The following TOM1L2 variants were observed in gnomAD, a reference collection of about 807,000 sequenced individuals.
TOM1L2 encodes TOM1-like protein 2.
A neutral mutation model predicts 67.9 loss-of-function variants in TOM1L2; 31 were observed. That is an observed-to-expected ratio of 0.46 (90% CI 0.34 to 0.62). TOM1L2 has a LOEUF of 0.62. Ranked by LOEUF, TOM1L2 falls within the 20% of genes least tolerant of loss-of-function variation. The pLI is 0.01. For synonymous variants in TOM1L2, 256 were observed against 254.0 expected (o/e 1.01, Z -0.07); for missense variants, 606 against 663.5 (o/e 0.91, Z 0.95).
At chr17:17,923,745 A>G (rs2039974611) in intron 1 of TOM1L2, among the ~76,000 whole-genome samples, 1 of 152,322 alleles carries the variant, frequency 6.6e-6, no homozygotes, top group Admixed American at 6.5e-5. Context: ...TAAAATGGTA[A>G]AAAAGATACT....
intron 1 of TOM1L2, among the ~76,000 whole-genome samples, chr17:17,953,408 G>A (rs2041292258): frequency 1.3e-5 from 2 of 152,230 alleles, no homozygotes; most frequent in Non-Finnish European, 1.5e-5. Flanking sequence ...TTTGGTTGCT[G>A]CAGTATTCCT....
At chr17:17,954,816 G>C (rs1411141605) in intron 1 of TOM1L2, among the ~76,000 whole-genome samples, 1 of 152,152 alleles carries the variant, frequency 6.6e-6, no homozygotes, top group Non-Finnish European at 1.5e-5. Flanking sequence ...TAGAGGAGGA[G>C]AAAACTAAGA....
In TOM1L2 at chr17:17,898,643, G is replaced by A. The variant is rs867464276; in HGVS notation, c.169C>T (p.Arg57Trp). ...CTGTAGTTCCGGTTCCCGTTGAGCC[G>A]CTTCTTCAGGGCTCGAATGGCATCC... ...PKDAIRALKK[R>W]LNGNRNYREV... Residue 57 changes from arginine (R) to tryptophan (W), a missense_variant, in exon 3 of 15, where the codon CGG becomes TGG. Transcript: ENST00000379504. 1.9e-6 allele frequency: 3 copies of A among 1,614,040 alleles called. No individual in the cohort carries two copies. Among genetic ancestry groups the A allele is most frequent in the African/African-American group, 1.3e-5 (1 of 74,900 alleles).
At position 17,886,775 on chromosome 17, in the gene TOM1L2, A is replaced by AG. The variant is rs760807390; in HGVS notation, c.367-2008dup. Among the ~76,000 whole-genome samples, 4 of 152,384 alleles carry AG rather than the reference A, an allele frequency of 2.6e-5. No individual in the cohort carries two copies. In the East Asian group the frequency reaches 7.7e-4, roughly 29 times the overall value. On this transcript the variant is annotated intron_variant, in intron 4 of 14. Transcript: ENST00000379504. The stretch of plus-strand genomic sequence containing the variant: ...AACTATGGCTCTTCTCTCCAGTTGG[A>AG]GGATACTTCTTCGGGTCCACTTTCT...
chr17:17,847,203 G>C lies in TOM1L2; in HGVS notation c.*432C>G, dbSNP rs1490783468. ...CCAGAGATGCCACAAAGCCCCTTCA[G>C]GGAGAGAGGGGCCCAGGAGGGCAGA... On this transcript the variant is annotated 3_prime_UTR_variant, in exon 15 of 15. Coordinates refer to ENST00000379504, the MANE Select transcript of TOM1L2 (RefSeq NM_001082968.2). 2 of 198,320 alleles carry C rather than the reference G, an allele frequency of 1.0e-5. No homozygotes were observed. Among genetic ancestry groups the C allele is most frequent in the Non-Finnish European group, 2.1e-5 (2 of 96,056 alleles). The allele number at this position is 198,320 out of a possible 1,614,324, so 12.3% of individuals were successfully genotyped here. A position where few individuals can be genotyped will look rare whatever the true frequency, so the allele number is the denominator to read the frequency against.
intron 1 of TOM1L2, among the ~76,000 whole-genome samples, chr17:17,912,163 C>G (rs79414011): frequency 6.6e-6 from 1 of 152,138 alleles, no homozygotes; most frequent in East Asian, 1.9e-4. Context: ...CTCAATGAGC[C>G]GCTGGGCACA....
chr17:17,929,261 C>A (rs541699712), intron 1 of TOM1L2, among the ~76,000 whole-genome samples: 9 of 152,326 alleles, frequency 5.9e-5, no homozygotes, highest in Non-Finnish European at 1.3e-4. Flanking sequence ...TCCACCCAGT[C>A]TGAATGTTTC....
chr17:17,915,216 T>C (rs2144543177), intron 1 of TOM1L2, among the ~76,000 whole-genome samples: 1 of 152,292 alleles, frequency 6.6e-6, no homozygotes, highest in Middle Eastern at 3.4e-3. Flanking sequence ...AGAGTTAGGA[T>C]GGGGTAGTTT....
intron 7 of TOM1L2, among the ~76,000 whole-genome samples, chr17:17,878,039 G>C (rs1207248717): frequency 1.3e-5 from 2 of 152,230 alleles, no homozygotes; most frequent in Non-Finnish European, 2.9e-5. Flanking sequence ...CTGTCAGCAG[G>C]AATTCCGACG....
intron 4 of TOM1L2, among the ~76,000 whole-genome samples, chr17:17,889,315 C>G (rs1261351610): frequency 6.6e-6 from 1 of 152,190 alleles, no homozygotes; most frequent in African/African-American, 2.4e-5. Flanking sequence ...GCAAAGGTGC[C>G]ACTGGGTAGG....
intron 1 of TOM1L2, among the ~76,000 whole-genome samples, chr17:17,962,522 C>A (rs1394561804): frequency 1.3e-5 from 2 of 152,012 alleles, no homozygotes; most frequent in Non-Finnish European, 2.9e-5. Context: ...CCGTGTTGCG[C>A]AGGCTGGTCT....
At chr17:17,878,122 G>T (rs1157978707) in intron 7 of TOM1L2, among the ~76,000 whole-genome samples, 4 of 152,236 alleles carry the variant, frequency 2.6e-5, no homozygotes, top group Non-Finnish European at 5.9e-5. Context: ...GTGCATCTGG[G>T]TAACGCCTGG....
At chr17:17,900,479 G>A (rs2144319355) in intron 2 of TOM1L2, among the ~76,000 whole-genome samples, 1 of 144,072 alleles carries the variant, frequency 6.9e-6, no homozygotes, top group African/African-American at 2.7e-5. Flanking sequence ...CTGAGATTAT[G>A]CCACTGCACT....
chr17:17,872,573 TCAAA>T (rs1212290736), intron 7 of TOM1L2, among the ~76,000 whole-genome samples: 3 of 151,914 alleles, frequency 2.0e-5, no homozygotes, highest in Non-Finnish European at 2.9e-5. Flanking sequence ...AGAAAAGAGG[TCAAA>T]CAAACTTCTG....
chr17:17,910,302 T>G (rs2039289148), intron 1 of TOM1L2, among the ~76,000 whole-genome samples: 1 of 152,198 alleles, frequency 6.6e-6, no homozygotes, highest in South Asian at 2.1e-4. Flanking sequence ...CTTCCCCCTC[T>G]GGGATGTGAG....
intron 4 of TOM1L2, among the ~76,000 whole-genome samples, chr17:17,893,260 C>T (rs1435402685): frequency 6.6e-6 from 1 of 152,196 alleles, no homozygotes; most frequent in African/African-American, 2.4e-5. Flanking sequence ...CTCAGTGAAA[C>T]ATCCCTTAAC....
chr17:17,896,933 C>T (rs778682093), intron 3 of TOM1L2, among the ~76,000 whole-genome samples: 6 of 152,142 alleles, frequency 3.9e-5, no homozygotes, highest in African/African-American at 7.2e-5. Flanking sequence ...CCATGCAAAG[C>T]GCGCTAGGAT....
At chr17:17,958,873 G>C (rs930217237) in intron 1 of TOM1L2, among the ~76,000 whole-genome samples, 1 of 152,126 alleles carries the variant, frequency 6.6e-6, no homozygotes, top group Non-Finnish European at 1.5e-5. Context: ...AAGGGGAGAG[G>C]GACTAGAGGT....
intron 7 of TOM1L2, among the ~76,000 whole-genome samples, chr17:17,871,779 T>C (rs182712491): frequency 1.8e-4 from 28 of 152,372 alleles, no homozygotes; most frequent in Non-Finnish European, 4.0e-4. Context: ...ACTCAGAGAA[T>C]GGGGAATTCT....
Sources: gnomAD v4.1 joint callset for allele counts (sites outside exome capture counted in the v4.1 genomes callset) on GRCh38, gnomAD v4.1.1 for gene constraint, MANE v1.5 for transcripts, NCBI Gene and HGNC (gene_info 2026-07-23, HGNC 2026-07-21) for gene names.